CDK8: variants seen among roughly 807,000 people sequenced by gnomAD.
CDK8 encodes cyclin dependent kinase 8.
A neutral mutation model predicts 71.5 loss-of-function variants in CDK8; 29 were observed. The observed-to-expected ratio is 0.41, with a 90% CI of 0.30 to 0.55. The LOEUF (loss-of-function observed/expected upper bound fraction) is 0.55. Among genes scored for constraint, CDK8 ranks in the 20% least tolerant of loss-of-function variants. The pLI is 0.37. For missense variants in CDK8, 288 were observed against 572.6 expected, an observed-to-expected ratio of 0.50 and a Z score of 5.07; for synonymous variants, 161 against 192.1, an observed-to-expected ratio of 0.84 and a Z score of 1.34.
intron 1 of CDK8, among the ~76,000 whole-genome samples, chr13:26,288,435 A>C (rs1051615751): frequency 6.6e-5 from 10 of 151,928 alleles, no homozygotes; most frequent in African/African-American, 2.4e-4. Context: ...TTTATTTTAC[A>C]TTTTGTCTTA....
In CDK8 at chr13:26,365,753, T is replaced by C. The variant is rs1455699171; in HGVS notation, c.456+11873T>C. Among the ~76,000 whole-genome samples the C allele has an allele frequency of 2.6e-5, 4 of 152,230 alleles. No homozygotes were observed. In the East Asian group the frequency reaches 7.7e-4, roughly 29 times the overall value. On this transcript the variant is annotated intron_variant, in intron 4 of 12. Coordinates refer to ENST00000381527, the MANE Select transcript of CDK8 (RefSeq NM_001260.3). Reference sequence around the variant, plus strand: ...CAAAATATACTATCATCCACAGCAGTGTGTTTCCAAAAACCTGGACAGATA... The same window carrying C: ...CAAAATATACTATCATCCACAGCAGCGTGTTTCCAAAAACCTGGACAGATA...
At chr13:26,265,949 A>T (rs1871999824) in intron 1 of CDK8, among the ~76,000 whole-genome samples, 1 of 152,190 alleles carries the variant, frequency 6.6e-6, no homozygotes, top group Admixed American at 6.5e-5. Context: ...AGGAGAATGT[A>T]ATAGTAATCC....
intron 1 of CDK8, among the ~76,000 whole-genome samples, chr13:26,278,279 G>A (rs1872626215): frequency 6.6e-6 from 1 of 152,192 alleles, no homozygotes; most frequent in African/African-American, 2.4e-5. Context: ...GCTAAAATGT[G>A]GAGATGGCTG....
chr13:26,293,964 C>T (rs1020390767), intron 1 of CDK8, among the ~76,000 whole-genome samples: 4 of 152,156 alleles, frequency 2.6e-5, no homozygotes, highest in Admixed American at 2.6e-4. Context: ...CCATTCTACT[C>T]TCTACTTTTA....
At chr13:26,271,943 T>C (rs924550892) in intron 1 of CDK8, among the ~76,000 whole-genome samples, 5 of 150,148 alleles carry the variant, frequency 3.3e-5, no homozygotes. Context: ...GGTAAGTGCA[T>C]GTGAAGGCCT....
rs1371373137 is a variant in CDK8, at chr13:26,404,901, G to GA, written c.*826dup. The GA allele has an allele frequency of 2.4e-5, 5 of 211,004 alleles. No homozygotes were observed. The South Asian group carries it at 5.6e-4, about 24-fold the overall frequency. 13.1% of individuals were successfully genotyped at this position (211,004 alleles called of 1,614,324 possible). A position where few individuals can be genotyped will look rare whatever the true frequency, so the allele number is the denominator to read the frequency against. On this transcript the variant is annotated 3_prime_UTR_variant, in exon 13 of 13. Coordinates refer to ENST00000381527, the MANE Select transcript of CDK8 (RefSeq NM_001260.3). The stretch of plus-strand genomic sequence containing the variant: ...CTGATTTGTGAGCATGCTTTAAGAT[G>GA]AAAAAAGCATGAATGATAACTTCCT...
At chr13:26,362,637 C>T (rs1237610105) in intron 4 of CDK8, among the ~76,000 whole-genome samples, 3 of 152,146 alleles carry the variant, frequency 2.0e-5, no homozygotes, top group East Asian at 1.9e-4. Context: ...CATCTATGTA[C>T]GTTACTTGGA....
At chr13:26,309,908 C>T (rs951934314) in intron 1 of CDK8, among the ~76,000 whole-genome samples, 3 of 152,124 alleles carry the variant, frequency 2.0e-5, no homozygotes, top group African/African-American at 7.2e-5. Context: ...GCACACGCCA[C>T]CATGTCTGGC....
intron 1 of CDK8, among the ~76,000 whole-genome samples, chr13:26,330,078 G>A (rs533880433): frequency 2.0e-5 from 3 of 152,200 alleles, no homozygotes; most frequent in African/African-American, 7.2e-5. Context: ...TGAGTTACAT[G>A]AGAACATTTG....
intron 1 of CDK8, among the ~76,000 whole-genome samples, chr13:26,306,540 A>T (rs1874048451): frequency 6.6e-6 from 1 of 151,798 alleles, no homozygotes; most frequent in Admixed American, 6.6e-5. Context: ...TGTAAAAGGC[A>T]ATGAAAAGAG....
chr13:26,368,452 C>T (rs1375124207), intron 4 of CDK8, among the ~76,000 whole-genome samples: 4 of 152,070 alleles, frequency 2.6e-5, no homozygotes, highest in Admixed American at 1.3e-4. Context: ...GTCTTTTTAC[C>T]GTGGTGAAAG....
intron 1 of CDK8, among the ~76,000 whole-genome samples, chr13:26,281,362 G>T (rs1029148793): frequency 3.9e-5 from 6 of 152,196 alleles, no homozygotes; most frequent in African/African-American, 1.4e-4. Context: ...AGCCCCACGG[G>T]GTGGTTAGGC....
At chr13:26,382,934 A>G in intron 5 of CDK8, 63 bp downstream of exon 5, 1 of 1,042,760 alleles carries the variant, frequency 9.6e-7, no homozygotes, top group South Asian at 1.6e-5. Context: ...AGGCAGCTAT[A>G]TCACTTCTAA....
At chr13:26,283,539 C>A (rs1872859231) in intron 1 of CDK8, among the ~76,000 whole-genome samples, 4 of 152,018 alleles carry the variant, frequency 2.6e-5, no homozygotes, top group African/African-American at 9.7e-5. Context: ...ACCTGGGAGG[C>A]AGGGGTTGCA....
chr13:26,402,264 A>G (rs116754064), intron 12 of CDK8, among the ~76,000 whole-genome samples: 1 of 152,216 alleles, frequency 6.6e-6, no homozygotes, highest in Non-Finnish European at 1.5e-5. Context: ...TGCAGGACTC[A>G]TATTTGATCT....
chr13:26,345,635 G>A lies in CDK8; in HGVS notation c.205-3437G>A, dbSNP rs139685680. 3.7e-3 allele frequency among the ~76,000 whole-genome samples: 563 copies of A among 152,194 alleles called. 4 individuals carry two copies. The highest frequency in any genetic ancestry group is 0.013 in the African/African-American group (546 of 41,526). On this transcript the variant is annotated intron_variant, in intron 2 of 12. Transcript: ENST00000381527. ...TGAACCTCAATGATCTGCCTGCCTC[G>A]GCCTCCCAAAGTGTTGGGATTACAG...
intron 4 of CDK8, among the ~76,000 whole-genome samples, chr13:26,370,943 A>T (rs907424779): frequency 6.6e-6 from 1 of 150,432 alleles, no homozygotes; most frequent in Non-Finnish European, 1.5e-5. Flanking sequence ...TTTTTGTTTA[A>T]TTTTTTTTTT....
chr13:26,337,945 G>A (rs1873061903), intron 2 of CDK8, among the ~76,000 whole-genome samples: 1 of 151,978 alleles, frequency 6.6e-6, no homozygotes, highest in South Asian at 2.1e-4. Flanking sequence ...TGGCATGTTA[G>A]TCCATAGAAA....
chr13:26,374,032 AAAAAAC>A (rs955154528), intron 4 of CDK8, among the ~76,000 whole-genome samples: 6 of 136,202 alleles, frequency 4.4e-5, no homozygotes, highest in Non-Finnish European at 6.2e-5. Context: ...AAAAAAAAAA[AAAAAAC>A]AAAAAACAAA....
Sources: allele counts gnomAD v4.1 joint callset (sites outside exome capture counted in the v4.1 genomes callset), GRCh38; gene constraint gnomAD v4.1.1; transcripts MANE v1.5; gene names NCBI Gene and HGNC (gene_info 2026-07-23, HGNC 2026-07-21).